Variants in LRRC4C observed in about 807,000 individuals in gnomAD.
LRRC4C encodes leucine rich repeat containing 4C.
In LRRC4C, 5 loss-of-function variants were observed where a neutral mutation model predicts 33.6. The observed-to-expected ratio is 0.15, with a 90% CI of 0.08 to 0.31. The LOEUF is 0.31. Among genes scored for constraint, LRRC4C ranks in the 10% least tolerant of loss-of-function variants. The probability of loss-of-function intolerance (pLI) is 1.00; values close to 1 mark genes in which losing one functional copy is unlikely to be tolerated. For synonymous variants in LRRC4C, 329 were observed against 302.0 expected, an observed-to-expected ratio of 1.09 and a Z score of -0.93; for missense variants, 560 against 796.7, an observed-to-expected ratio of 0.70 and a Z score of 3.58.
intron 1 of LRRC4C, among the ~76,000 whole-genome samples, chr11:41,173,846 C>T (rs943625658): frequency 1.3e-5 from 2 of 151,972 alleles, no homozygotes; most frequent in Admixed American, 6.6e-5. Context: ...AAATTATGCC[C>T]GAGGACTTTT....
At chr11:40,844,730 T>C (rs1953076688) in intron 2 of LRRC4C, among the ~76,000 whole-genome samples, 2 of 152,174 alleles carry the variant, frequency 1.3e-5, no homozygotes, top group South Asian at 4.1e-4. Context: ...ATTGGTGTAA[T>C]GTGTCTGCAT....
intron 1 of LRRC4C, among the ~76,000 whole-genome samples, chr11:41,329,439 G>C (rs1272470604): frequency 6.6e-6 from 1 of 152,164 alleles, no homozygotes; most frequent in Non-Finnish European, 1.5e-5. Context: ...GCGTCCCATA[G>C]TACCAGATTT....
intron 1 of LRRC4C, among the ~76,000 whole-genome samples, chr11:41,458,994 T>C (rs1229285140): frequency 2.6e-5 from 4 of 152,080 alleles, no homozygotes; most frequent in Non-Finnish European, 4.4e-5. Flanking sequence ...TACTATTAAG[T>C]TATCGTGAAA....
At chr11:40,276,208 AG>A (rs762834156) in intron 4 of LRRC4C, among the ~76,000 whole-genome samples, 10 of 152,134 alleles carry the variant, frequency 6.6e-5, no homozygotes, top group Non-Finnish European at 1.3e-4. Flanking sequence ...AGGGCAAATC[AG>A]GGCACGATTA....
intron 1 of LRRC4C, among the ~76,000 whole-genome samples, chr11:40,957,766 T>C (rs1959025754): frequency 1.3e-5 from 2 of 151,636 alleles, no homozygotes; most frequent in Non-Finnish European, 3.0e-5. Context: ...CTTATGCAAA[T>C]CTACTGGGGG....
chr11:40,525,838 A>G (rs1956025886), intron 3 of LRRC4C, among the ~76,000 whole-genome samples: 1 of 152,200 alleles, frequency 6.6e-6, no homozygotes, highest in Admixed American at 6.5e-5. Flanking sequence ...ATCGAGATTG[A>G]TTTTAAAGCT....
chr11:40,257,266 A>G (rs1590837702), intron 4 of LRRC4C, among the ~76,000 whole-genome samples: 1 of 18,046 alleles, frequency 5.5e-5, no homozygotes, highest in African/African-American at 7.6e-5. Context: ...AAGACTAAAC[A>G]AAACAAAATA....
chr11:40,124,853 C>G (rs1299125755), intron 6 of LRRC4C, among the ~76,000 whole-genome samples: 2 of 151,964 alleles, frequency 1.3e-5, no homozygotes, highest in Non-Finnish European at 2.9e-5. Flanking sequence ...GTCATGGGTG[C>G]CCCATTTATC....
At chr11:40,889,629 C>A (rs1955614192) in intron 2 of LRRC4C, among the ~76,000 whole-genome samples, 1 of 152,018 alleles carries the variant, frequency 6.6e-6, no homozygotes, top group Admixed American at 6.6e-5. Flanking sequence ...AGAAAACCAT[C>A]CATTATCTCT....
At chr11:41,348,847 A>G (rs1481504872) in intron 1 of LRRC4C, among the ~76,000 whole-genome samples, 1 of 152,148 alleles carries the variant, frequency 6.6e-6, no homozygotes, top group Non-Finnish European at 1.5e-5. Flanking sequence ...GAGACTGGAC[A>G]ACCCCCACAT....
chr11:41,076,565 G>A (rs1401907911), intron 1 of LRRC4C, among the ~76,000 whole-genome samples: 1 of 152,252 alleles, frequency 6.6e-6, no homozygotes, highest in African/African-American at 2.4e-5. Context: ...AGAACAGCAA[G>A]GAGGAAATTT....
intron 1 of LRRC4C, among the ~76,000 whole-genome samples, chr11:41,011,935 C>A (rs557061017): frequency 2.3e-5 from 3 of 131,140 alleles, no homozygotes; most frequent in African/African-American, 7.6e-5. Flanking sequence ...GCAACCTTTG[C>A]CTCCTGGGTT....
intron 3 of LRRC4C, among the ~76,000 whole-genome samples, chr11:40,336,883 A>T (rs1283600642): frequency 6.8e-6 from 1 of 146,940 alleles, no homozygotes; most frequent in Admixed American, 7.0e-5. Context: ...AGGCTGAGGC[A>T]GGAGAATGGC....
At chr11:41,178,325 A>G (rs1242882834) in intron 1 of LRRC4C, among the ~76,000 whole-genome samples, 1 of 152,214 alleles carries the variant, frequency 6.6e-6, no homozygotes, top group African/African-American at 2.4e-5. Flanking sequence ...ATAAAAGTCC[A>G]GATCCATGGG....
intron 1 of LRRC4C, among the ~76,000 whole-genome samples, chr11:41,284,370 G>C (rs1334215708): frequency 1.3e-5 from 2 of 152,118 alleles, no homozygotes; most frequent in Non-Finnish European, 2.9e-5. Flanking sequence ...TCCTCCTTCT[G>C]CTCCTTCATA....
intron 2 of LRRC4C, among the ~76,000 whole-genome samples, chr11:40,906,519 C>A (rs1298238307): frequency 6.6e-6 from 1 of 152,074 alleles, no homozygotes; most frequent in African/African-American, 2.4e-5. Context: ...TCAAAACAAA[C>A]AAACAGACAA....
chr11:41,434,210 T>G (rs1451110141), intron 1 of LRRC4C, among the ~76,000 whole-genome samples: 1 of 152,134 alleles, frequency 6.6e-6, no homozygotes, highest in Non-Finnish European at 1.5e-5. Context: ...ATTAAAAATT[T>G]GGAAAGCACT....
intron 1 of LRRC4C, among the ~76,000 whole-genome samples, chr11:41,371,049 T>G (rs1952728934): frequency 6.6e-6 from 1 of 152,124 alleles, no homozygotes. Flanking sequence ...AAAAACTAAA[T>G]AAAATTAAAA....
At chr11:40,976,141 G>C (rs527364998) in intron 1 of LRRC4C, among the ~76,000 whole-genome samples, 1 of 152,232 alleles carries the variant, frequency 6.6e-6, no homozygotes, top group South Asian at 2.1e-4. Flanking sequence ...ACATTATACT[G>C]CGTATGCACT....
Sources: gnomAD v4.1 joint callset for allele counts (sites outside exome capture counted in the v4.1 genomes callset) on GRCh38, gnomAD v4.1.1 for gene constraint, MANE v1.5 for transcripts, NCBI Gene and HGNC (gene_info 2026-07-23, HGNC 2026-07-21) for gene names.